Variants in ABCC8 observed in about 807,000 individuals in gnomAD.
The protein encoded by ABCC8 is ATP-binding cassette sub-family C member 8.
Under a neutral mutation model 188.0 loss-of-function variants are expected in ABCC8, and 137 were observed. The ratio of observed to expected loss-of-function variants is 0.73; its 90% CI spans 0.63 to 0.84. The LOEUF (loss-of-function observed/expected upper bound fraction) is 0.84. Ranked by LOEUF, ABCC8 falls within the 40% of genes least tolerant of loss-of-function variation. ABCC8 has a pLI of 0.00. For missense variants in ABCC8, 1,750 were observed against 2,072.7 expected (o/e 0.84, Z 3.02); for synonymous variants, 797 against 846.5 (o/e 0.94, Z 1.01).
Position 17,430,885 on chromosome 11 carries a change from G to A in ABCC8, c.1746C>T (p.Leu582=). ...SPSVAFASLS[L]FHILVTPLFL... is the part of the protein sequence containing the mutation. ...ACAGCGGTGTGACCAAGATATGGAAGAGGGAGAGGGAGGCAAAGGCCACGG... is the reference window on the plus strand; with the variant it reads ...ACAGCGGTGTGACCAAGATATGGAAAAGGGAGAGGGAGGCAAAGGCCACGG... Residue 582 remains leucine, a synonymous_variant, in exon 12 of 39, where the codon CTC becomes CTT. Transcript: ENST00000389817. 6.2e-7 allele frequency: 1 copy of A among 1,614,248 alleles called. No homozygotes were observed.
rs12275112 is a variant in ABCC8 at position 17,404,103 on chromosome 11, C to T, written c.3557+409G>A. 7.9e-4 allele frequency among the ~76,000 whole-genome samples: 120 copies of T among 152,284 alleles called. No homozygotes were observed. Among genetic ancestry groups the T allele is most frequent in the African/African-American group, 2.8e-3 (117 of 41,560 alleles). On this transcript the variant is annotated intron_variant, in intron 28 of 38. Coordinates refer to ENST00000389817, the MANE Select transcript of ABCC8 (RefSeq NM_000352.6). This position sits in a 1 kb window ranked among gnomAD's most constrained non-coding sequence, Gnocchi z 4.7. ...GGCTTACAGCTACACTCTGGACTCA[C>T]GTGGGCTGGGAGGTGTTATCATAAC...
intron 2 of ABCC8, among the ~76,000 whole-genome samples, chr11:17,470,677 C>T (rs1373409581): frequency 6.6e-6 from 1 of 152,214 alleles, no homozygotes; most frequent in African/African-American, 2.4e-5. Flanking sequence ...TTCATTAAAC[C>T]CCATCGAGTG....
At chr11:17,416,390 C>A (rs1366238150) in intron 17 of ABCC8, among the ~76,000 whole-genome samples, 1 of 152,116 alleles carries the variant, frequency 6.6e-6, no homozygotes, top group African/African-American at 2.4e-5. Context: ...CCTTTCCTTA[C>A]AGTCATATTT....
chr11:17,461,587 T>C lies in ABCC8; in HGVS notation c.818A>G (p.Gln273Arg), dbSNP rs200497718. The change falls in exon 5 of 39, where the codon CAG becomes CGG. Residue 273 changes from glutamine (Q) to arginine (R), a missense_variant. Coordinates refer to ENST00000389817, the MANE Select transcript of ABCC8 (RefSeq NM_000352.6). ...TGTGGCTGTGCCCCCACTGACCACC[T>C]GGGCGTCAAAGGCCTCGCAGAGCCG... is the stretch of plus-strand genomic sequence containing the variant. The part of the protein sequence containing the change: ...YQRLCEAFDA[Q>R]VRKDIQGTQG... 6 of 1,614,240 alleles carry C rather than the reference T, an allele frequency of 3.7e-6. No individual in the cohort carries two copies. Among genetic ancestry groups the C allele is most frequent in the Non-Finnish European group, 4.2e-6 (5 of 1,180,036 alleles).
At chr11:17,423,480 G>A (rs1212936838) in intron 16 of ABCC8, among the ~76,000 whole-genome samples, 1 of 151,968 alleles carries the variant, frequency 6.6e-6, no homozygotes, top group African/African-American at 2.4e-5. Context: ...CACTGTGGAC[G>A]CTGGAGAATG....
intron 31 of ABCC8, 168 bp downstream of exon 31, chr11:17,397,516 T>C: frequency 7.1e-7 from 1 of 1,407,786 alleles, no homozygotes; most frequent in East Asian, 2.5e-5. Flanking sequence ...GTCTGGGGCC[T>C]GGGCCCTGGG....
chr11:17,428,732 C>G, intron 12 of ABCC8, 62 bp from the exon 13 acceptor site: 3 of 1,599,486 alleles, frequency 1.9e-6, no homozygotes. Context: ...GGGGAGAGGG[C>G]GCAGCCTGAT....
intron 11 of ABCC8, 58 bp from the exon 12 acceptor site, chr11:17,431,017 C>T (rs997479232): frequency 1.0e-5 from 16 of 1,597,334 alleles, no homozygotes; most frequent in South Asian, 4.5e-5. Context: ...CCCTCCCACA[C>T]TGGAAACGCT....
intron 6 of ABCC8, among the ~76,000 whole-genome samples, chr11:17,453,671 A>G (rs1476763152): frequency 2.0e-5 from 3 of 152,198 alleles, no homozygotes; most frequent in African/African-American, 4.8e-5. Context: ...GTTCTCTGCT[A>G]CAGAAATGGA....
At chr11:17,410,053 G>A (rs1403401773) in intron 22 of ABCC8, among the ~76,000 whole-genome samples, 7 of 152,058 alleles carry the variant, frequency 4.6e-5, no homozygotes, top group Non-Finnish European at 1.0e-4. Context: ...CGCCCAGCCT[G>A]AAGTTTCTAT....
rs1956621898 is a variant in ABCC8 at position 17,448,366 on chromosome 11, G to A, written c.1332+150C>T. ...CAGAGTATGGGACAGGAGGGACCCA[G>A]AGGTACAGCCTGTGGTATAGCCAAG... On this transcript the variant is annotated intron_variant, in intron 8 of 38. Transcript: ENST00000389817. The A allele has an allele frequency of 5.5e-6, 4 of 724,892 alleles. No individual in the cohort carries two copies. In the Admixed American group the frequency reaches 8.1e-5, roughly 15 times the overall value. The allele number at this position is 724,892 out of a possible 1,614,324, so 44.9% of individuals were successfully genotyped here.
intron 22 of ABCC8, among the ~76,000 whole-genome samples, chr11:17,409,588 G>A (rs1954712709): frequency 6.6e-6 from 1 of 152,080 alleles, no homozygotes; most frequent in South Asian, 2.1e-4. Context: ...TACTGGAGGG[G>A]GTCTCATCAT....
intron 3 of ABCC8, among the ~76,000 whole-genome samples, chr11:17,466,812 T>C (rs1273868077): frequency 1.3e-5 from 2 of 151,922 alleles, no homozygotes; most frequent in East Asian, 3.9e-4. Context: ...ACTACAGGTG[T>C]ACATTACCAC....
intron 7 of ABCC8, among the ~76,000 whole-genome samples, chr11:17,451,707 A>G (rs1956821923): frequency 6.6e-6 from 1 of 152,268 alleles, no homozygotes; most frequent in East Asian, 1.9e-4. Flanking sequence ...AGCTGCATCT[A>G]GTTATTCCCA....
At chr11:17,407,259 C>T in intron 24 of ABCC8, 95 bp downstream of exon 24, 1 of 1,610,780 alleles carries the variant, frequency 6.2e-7, no homozygotes, top group Non-Finnish European at 8.5e-7. Context: ...ATCAAAGGCA[C>T]ACTACTGCAC....
rs1955683267 is a variant in ABCC8, at chr11:17,428,321, CA to C, written c.2007del (p.Ser669ArgfsTer40). On this transcript the variant is annotated frameshift_variant, in exon 14 of 39. Transcript: ENST00000389817. LOFTEE classifies it high-confidence loss of function. ...LTGPLQSLVPSADGDADNCCV... is the reference protein window; with the variant it reads ...LTGPLQSLVPXADGDADNCCV... ...CAGCAGTTGTCAGCATCGCCATCTG[CA>C]CTGGGGACCAGGCTCTGCAGTGGGC... 1 of 1,614,104 alleles carries C rather than the reference CA, an allele frequency of 6.2e-7. No individual in the cohort carries two copies. Among genetic ancestry groups the C allele is most frequent in the Admixed American group, 1.7e-5 (1 of 60,014 alleles).
At chr11:17,467,085 C>CACACACA (rs1554945177) in intron 3 of ABCC8, among the ~76,000 whole-genome samples, 5 of 150,792 alleles carry the variant, frequency 3.3e-5, no homozygotes, top group South Asian at 2.1e-4. Context: ...CACACACACA[C>CACACACA]AACTTCCCAT....
At chr11:17,464,312 C>T (rs1334679687) in intron 3 of ABCC8, among the ~76,000 whole-genome samples, 1 of 152,224 alleles carries the variant, frequency 6.6e-6, no homozygotes, top group East Asian at 1.9e-4. Context: ...GAGCCCACCA[C>T]AGCATGATGA....
intron 2 of ABCC8, among the ~76,000 whole-genome samples, chr11:17,471,916 AG>A (rs1251670427): frequency 6.6e-6 from 1 of 152,242 alleles, no homozygotes; most frequent in Non-Finnish European, 1.5e-5. Flanking sequence ...AAACTAATAT[AG>A]AAGGTACAAG....
Sources: gnomAD v4.1 joint callset for allele counts (sites outside exome capture counted in the v4.1 genomes callset) on GRCh38, gnomAD v4.1.1 for gene constraint, Gnocchi (gnomAD v3.1) non-coding constraint, MANE v1.5 for transcripts, NCBI Gene and HGNC (gene_info 2026-07-23, HGNC 2026-07-21) for gene names.